NRXN3: variants seen among roughly 807,000 people sequenced by gnomAD.
NRXN3 encodes the protein neurexin 3.
Under a neutral mutation model 137.6 loss-of-function variants are expected in NRXN3, and 32 were observed. That is an observed-to-expected ratio of 0.23 (90% CI 0.18 to 0.31). The LOEUF is 0.31. NRXN3 is among the 10% of genes least tolerant of loss of function. The pLI is 1.00. For synonymous variants in NRXN3, 798 were observed against 784.5 expected (o/e 1.02, Z -0.29); for missense variants, 1,574 against 2,062.5 (o/e 0.76, Z 4.59).
intron 15 of NRXN3, among the ~76,000 whole-genome samples, chr14:79,118,617 C>T (rs2152914649): frequency 6.6e-6 from 1 of 152,282 alleles, no homozygotes; most frequent in South Asian, 2.1e-4. Context: ...CAAACATATA[C>T]CTTTATTGTT....
At chr14:79,576,436 T>A (rs1043577005) in intron 16 of NRXN3, among the ~76,000 whole-genome samples, 11 of 152,186 alleles carry the variant, frequency 7.2e-5, no homozygotes, top group Non-Finnish European at 2.9e-5. Context: ...GTCACAAATG[T>A]CAAAATTCAA....
In NRXN3 at chr14:78,803,641, A is replaced by G; in HGVS notation, c.2066A>G (p.Asp689Gly). 2 of 1,614,096 alleles carry G rather than the reference A, an allele frequency of 1.2e-6. No individual in the cohort carries two copies. The highest frequency in any genetic ancestry group is 1.7e-4 in the Middle Eastern group (1 of 6,060). ...GCAGAGGCATCCATCCTGAGCTATGATGGTAGCATGTACATGAAGATCATC... is the reference window on the plus strand; with the variant it reads ...GCAGAGGCATCCATCCTGAGCTATGGTGGTAGCATGTACATGAAGATCATC... ...CEREASILSY[D>G]GSMYMKIIMP... Residue 689 changes from aspartate to glycine, a missense_variant, in exon 9 of 21, where the codon GAT becomes GGT. Physicochemically the swap from Asp to Gly is moderately conservative, Grantham distance 94 (BLOSUM62 -1). Coordinates refer to ENST00000335750, the MANE Select transcript of NRXN3 (RefSeq NM_001330195.2).
chr14:78,562,735 C>G (rs1373589080), intron 4 of NRXN3, among the ~76,000 whole-genome samples: 1 of 152,160 alleles, frequency 6.6e-6, no homozygotes, highest in Non-Finnish European at 1.5e-5. Context: ...CTCATAGCAC[C>G]ATGAGAAATA....
intron 4 of NRXN3, among the ~76,000 whole-genome samples, chr14:78,407,241 A>G (rs2092542658): frequency 1.3e-5 from 2 of 152,106 alleles, no homozygotes; most frequent in African/African-American, 4.8e-5. Flanking sequence ...ATCATGGGTA[A>G]TGAAAAAAAA....
At chr14:79,053,192 C>A (rs974205836) in intron 15 of NRXN3, among the ~76,000 whole-genome samples, 16 of 152,208 alleles carry the variant, frequency 1.1e-4, no homozygotes, top group African/African-American at 3.9e-4. Context: ...CAACTAAACT[C>A]ACTGAGAATC....
At chr14:79,149,005 T>A (rs2059557426) in intron 15 of NRXN3, among the ~76,000 whole-genome samples, 1 of 152,102 alleles carries the variant, frequency 6.6e-6, no homozygotes, top group South Asian at 2.1e-4. Context: ...TTTTTTTCCA[T>A]CCCCACATTC....
intron 16 of NRXN3, among the ~76,000 whole-genome samples, chr14:79,476,259 G>A (rs1313705166): frequency 2.0e-5 from 3 of 152,068 alleles, no homozygotes; most frequent in Non-Finnish European, 2.9e-5. Context: ...TGCTGTCACT[G>A]CTGCTGTTGC....
chr14:79,151,496 T>A (rs2059796254), intron 15 of NRXN3, among the ~76,000 whole-genome samples: 1 of 152,068 alleles, frequency 6.6e-6, no homozygotes, highest in Non-Finnish European at 1.5e-5. Context: ...TACTGATTGA[T>A]GCCACGAATC....
intron 10 of NRXN3, among the ~76,000 whole-genome samples, chr14:78,893,875 T>C (rs1237908330): frequency 6.6e-6 from 1 of 151,946 alleles, no homozygotes; most frequent in Admixed American, 6.6e-5. Context: ...ATAAATTGTT[T>C]GGTTTCCCAG....
At chr14:78,451,252 G>A (rs2094544982) in intron 4 of NRXN3, among the ~76,000 whole-genome samples, 1 of 152,174 alleles carries the variant, frequency 6.6e-6, no homozygotes, top group Non-Finnish European at 1.5e-5. Context: ...CGGGACCTTA[G>A]ACAATTGCTT....
intron 16 of NRXN3, among the ~76,000 whole-genome samples, chr14:79,638,020 G>A (rs866935747): frequency 2.0e-5 from 3 of 152,010 alleles, no homozygotes; most frequent in South Asian, 2.1e-4. Flanking sequence ...ATGAGCCACC[G>A]TGCCTGGCCT....
chr14:79,007,378 G>T (rs551833365), intron 15 of NRXN3, among the ~76,000 whole-genome samples: 2 of 151,888 alleles, frequency 1.3e-5, no homozygotes, highest in South Asian at 4.2e-4. Flanking sequence ...TTGAAGAGAA[G>T]CCTCATGTGT....
chr14:78,627,707 T>C (rs2097480559), intron 4 of NRXN3, among the ~76,000 whole-genome samples: 1 of 152,246 alleles, frequency 6.6e-6, no homozygotes, highest in African/African-American at 2.4e-5. Flanking sequence ...GTTCTGGTCT[T>C]GGGTATATTG....
At chr14:78,350,988 C>T (rs952175747) in intron 4 of NRXN3, among the ~76,000 whole-genome samples, 4 of 151,856 alleles carry the variant, frequency 2.6e-5, no homozygotes, top group Non-Finnish European at 5.9e-5. Context: ...AAAAAAATTA[C>T]AGGTAAAGTT....
At chr14:79,304,020 C>T (rs148407569) in intron 15 of NRXN3, among the ~76,000 whole-genome samples, 12 of 152,194 alleles carry the variant, frequency 7.9e-5, no homozygotes, top group African/African-American at 1.9e-4. Context: ...AGTCTTTTTA[C>T]AATTATCATC....
At chr14:79,511,145 C>T (rs1325712403) in intron 16 of NRXN3, among the ~76,000 whole-genome samples, 1 of 152,184 alleles carries the variant, frequency 6.6e-6, no homozygotes, top group Non-Finnish European at 1.5e-5. Flanking sequence ...CAGTAATAGC[C>T]ATTGATCACT....
chr14:79,348,378 C>CTCTCTCTTTTTTTTTTTTTTTTTTTTTT (rs535595782), intron 15 of NRXN3, among the ~76,000 whole-genome samples: 3 of 135,974 alleles, frequency 2.2e-5, no homozygotes, highest in African/African-American at 8.7e-5. Context: ...AATCTTCTCT[C>CTCTCTCTTTTTTTTTTTTTTTTTTTTTT]TTTTTTTTTT....
rs752633612 is a variant in NRXN3, at chr14:79,697,932, A to C, written c.4009A>C (p.Ile1337Leu). 29 of 1,608,466 alleles carry C rather than the reference A, an allele frequency of 1.8e-5. No homozygotes were observed. The highest frequency in any genetic ancestry group is 2.3e-5 in the Non-Finnish European group (27 of 1,175,634). Residue 1337 changes from isoleucine (I) to leucine (L), a missense_variant, in exon 19 of 21, where the codon ATT (isoleucine) becomes CTT (leucine). By Grantham distance (5) the Ile-to-Leu change is conservative. Coordinates refer to ENST00000335750, the MANE Select transcript of NRXN3 (RefSeq NM_001330195.2). ...TTRKNRSTAS[I>L]QPTSDDLVSS... ...CCGTAAGAATCGCTCTACAGCCAGC[A>C]TTCAGGTAGGCCTTTTTCCAAGTAT... is the stretch of plus-strand genomic sequence containing the variant.
At chr14:79,812,276 G>A (rs572120596) in intron 20 of NRXN3, among the ~76,000 whole-genome samples, 1 of 152,166 alleles carries the variant, frequency 6.6e-6, no homozygotes. Flanking sequence ...TAACACTTTT[G>A]AGTAACTATT....
Sources: allele counts gnomAD v4.1 joint callset (sites outside exome capture counted in the v4.1 genomes callset), GRCh38; gene constraint gnomAD v4.1.1; transcripts MANE v1.5; gene names NCBI Gene and HGNC (gene_info 2026-07-23, HGNC 2026-07-21).